The following COL21A1 variants were observed in gnomAD, a reference collection of about 807,000 sequenced individuals.
The protein encoded by COL21A1 is collagen type XXI alpha 1 chain.
In COL21A1, 149 loss-of-function variants were observed where a neutral mutation model predicts 137.9. The observed-to-expected ratio is 1.08, with a 90% CI of 0.95 to 1.24. COL21A1 has a LOEUF of 1.24. Ranked by LOEUF, COL21A1 falls within the 50% of genes most tolerant of loss-of-function variation. COL21A1 has a pLI of 0.00. For missense variants in COL21A1, 1,167 were observed against 1,158.4 expected (o/e 1.01, Z -0.11); for synonymous variants, 456 against 391.5 (o/e 1.16, Z -1.95).
chr6:56,098,764 G>A (rs1427323399), intron 17 of COL21A1, among the ~76,000 whole-genome samples: 2 of 133,520 alleles, frequency 1.5e-5, no homozygotes, highest in East Asian at 4.2e-4. Context: ...CGCCCAGGCT[G>A]GAGTGCAGTA....
At chr6:56,164,586 A>G in intron 8 of COL21A1, 80 bp from the exon 9 acceptor site, 4 of 1,107,088 alleles carry the variant, frequency 3.6e-6, no homozygotes, top group Non-Finnish European at 5.3e-6. Flanking sequence ...ATGCATTTAT[A>G]TATTTGTGTA....
intron 25 of COL21A1, 26 bp downstream of exon 25, chr6:56,061,623 A>G: frequency 6.5e-7 from 1 of 1,544,740 alleles, no homozygotes; most frequent in Admixed American, 1.7e-5. Context: ...AGAGAGCAAG[A>G]GAGCATAATA....
intron 1 of COL21A1, among the ~76,000 whole-genome samples, chr6:56,300,007 T>C (rs4401668): frequency 0.84 from 128,232 of 152,062 alleles, 56,061 homozygotes; most frequent in South Asian, 0.97. Flanking sequence ...AATAGGAAAA[T>C]TAAACAAGGC....
At chr6:56,306,681 C>G (rs557304886) in intron 1 of COL21A1, among the ~76,000 whole-genome samples, 1 of 152,008 alleles carries the variant, frequency 6.6e-6, no homozygotes, top group Non-Finnish European at 1.5e-5. Flanking sequence ...TTTGAACTTC[C>G]TCCTTTAGCT....
intron 1 of COL21A1, among the ~76,000 whole-genome samples, chr6:56,275,473 G>T (rs1313945570): frequency 3.9e-5 from 6 of 151,920 alleles, no homozygotes; most frequent in Non-Finnish European, 8.8e-5. Flanking sequence ...TCTGACAAAG[G>T]TCTAATATCC....
chr6:56,325,962 A>C (rs757847438), intron 1 of COL21A1, among the ~76,000 whole-genome samples: 2,881 of 62,110 alleles, frequency 0.046, 528 homozygotes, highest in East Asian at 0.28. Context: ...TAATATATAT[A>C]ATATATATTA....
intron 1 of COL21A1, among the ~76,000 whole-genome samples, chr6:56,293,429 T>C (rs1764098821): frequency 6.6e-6 from 1 of 151,922 alleles, no homozygotes; most frequent in Admixed American, 6.6e-5. Context: ...AGCTGATGAA[T>C]AAATATGAAG....
intron 29 of COL21A1, among the ~76,000 whole-genome samples, chr6:56,058,389 TTCA>T (rs1227502114): frequency 2.0e-5 from 3 of 152,166 alleles, no homozygotes; most frequent in Admixed American, 6.5e-5. Context: ...GCCTGATTAG[TTCA>T]ATTAGCATGC....
intron 10 of COL21A1, among the ~76,000 whole-genome samples, chr6:56,150,885 A>C (rs1775265375): frequency 6.6e-6 from 1 of 152,180 alleles, no homozygotes; most frequent in Admixed American, 6.5e-5. Flanking sequence ...AGATCTCTCT[A>C]ATGATCAGCT....
At chr6:56,087,699 G>A (rs1441356115) in intron 17 of COL21A1, among the ~76,000 whole-genome samples, 1 of 152,148 alleles carries the variant, frequency 6.6e-6, no homozygotes, top group East Asian at 1.9e-4. Context: ...AACTGCATTT[G>A]TACAAAACAG....
At chr6:56,138,886 C>T (rs1310245971) in intron 12 of COL21A1, among the ~76,000 whole-genome samples, 2 of 151,902 alleles carry the variant, frequency 1.3e-5, no homozygotes, top group Non-Finnish European at 2.9e-5. Context: ...ATCCTTTAGG[C>T]TATTGGGAAA....
chr6:56,388,458 A>T (rs1236317283), intron 1 of COL21A1, among the ~76,000 whole-genome samples: 3 of 152,212 alleles, frequency 2.0e-5, no homozygotes, highest in Admixed American at 1.3e-4. Flanking sequence ...ACTTTTCAGG[A>T]TAACCTAGGA....
chr6:56,338,880 T>C (rs1765397524), intron 1 of COL21A1, among the ~76,000 whole-genome samples: 1 of 152,138 alleles, frequency 6.6e-6, no homozygotes. Flanking sequence ...AGAAAGGTGG[T>C]CCCATGATGG....
At chr6:56,270,898 T>G (rs1417777378) in intron 1 of COL21A1, among the ~76,000 whole-genome samples, 1 of 152,168 alleles carries the variant, frequency 6.6e-6, no homozygotes, top group African/African-American at 2.4e-5. Context: ...CAGGCAGAAC[T>G]GTGAGTCAAT....
chr6:56,130,736 T>C (rs1428603328), intron 12 of COL21A1, among the ~76,000 whole-genome samples: 1 of 152,106 alleles, frequency 6.6e-6, no homozygotes, highest in African/African-American at 2.4e-5. Flanking sequence ...AGGTGTAGTA[T>C]TCATGTTAAC....
intron 1 of COL21A1, among the ~76,000 whole-genome samples, chr6:56,237,525 C>T (rs1189614244): frequency 3.3e-5 from 5 of 152,200 alleles, no homozygotes; most frequent in Middle Eastern, 6.8e-3. Context: ...CGCTTAGGCT[C>T]TTTAGGCCAA....
At chr6:56,384,655 A>G (rs1274554663) in intron 1 of COL21A1, among the ~76,000 whole-genome samples, 1 of 152,230 alleles carries the variant, frequency 6.6e-6, no homozygotes, top group Non-Finnish European at 1.5e-5. Flanking sequence ...GATTCTGTGT[A>G]GAACTATCTG....
At chr6:56,116,281 A>G (rs1363716800) in intron 16 of COL21A1, among the ~76,000 whole-genome samples, 1 of 151,968 alleles carries the variant, frequency 6.6e-6, no homozygotes, top group Non-Finnish European at 1.5e-5. Flanking sequence ...AACGACAAAA[A>G]TAAATAAATA....
chr6:56,359,549 G>A lies in COL21A1; in HGVS notation c.-39+34422C>T, dbSNP rs538654938. 4.4e-4 allele frequency among the ~76,000 whole-genome samples: 67 copies of A among 152,276 alleles called. 2 individuals are homozygous for A. In the South Asian group the frequency reaches 0.013, roughly 30 times the overall value. On this transcript the variant is annotated intron_variant, in intron 1 of 28. Coordinates refer to the COL21A1 transcript ENST00000370819. The stretch of plus-strand genomic sequence containing the variant: ...TGTAATTCGTTATTACATTAATAAA[G>A]TCACATTTCAAACCTGAAAATATGA...
Sources: gnomAD v4.1 joint callset for allele counts (sites outside exome capture counted in the v4.1 genomes callset) on GRCh38, gnomAD v4.1.1 for gene constraint, MANE v1.5 for transcripts, NCBI Gene and HGNC (gene_info 2026-07-23, HGNC 2026-07-21) for gene names.